The following AQP4 variants were observed in gnomAD, a reference collection of about 807,000 sequenced individuals.
AQP4 encodes the protein aquaporin-4.
AQP4 carries 18 observed loss-of-function variants against 27.8 expected under a neutral mutation model. The ratio of observed to expected loss-of-function variants is 0.65; its 90% CI spans 0.45 to 0.96. AQP4 has a LOEUF of 0.96. Ranked by LOEUF, AQP4 falls within the 40% of genes least tolerant of loss-of-function variation. AQP4 has a pLI of 0.00. For synonymous variants in AQP4, 141 were observed against 142.9 expected, an observed-to-expected ratio of 0.99 and a Z score of 0.10; for missense variants, 412 against 408.2, an observed-to-expected ratio of 1.01 and a Z score of -0.08.
Position 26,862,177 on chromosome 18 carries a change from G to T in AQP4, c.447+5C>A, listed in dbSNP as rs1303273220. 6 of 1,613,942 alleles carry T rather than the reference G, an allele frequency of 3.7e-6. No homozygotes were observed. The African/African-American group carries it at 8.0e-5, about 22-fold the overall frequency. The stretch of plus-strand genomic sequence containing the variant: ...TCCTAGTTTGAAAATAGCTAAAGAT[G>T]CTACCATGGTGACTCCCAGGCCTCC... On this transcript the variant is annotated splice_donor_5th_base_variant and intron_variant, in intron 2 of 4. Transcript: ENST00000383168.
Position 26,860,760 on chromosome 18 carries a change from T to C in AQP4, c.693+12A>G, listed in dbSNP as rs2054926381. ...ACTGTAGGAAGATGGGAACTATCAA[T>C]ATGAGGGTTACCCAATGGTTTTCCC... On this transcript the variant is annotated intron_variant, in intron 4 of 4. Transcript: ENST00000383168. 6.2e-7 allele frequency: 1 copy of C among 1,607,916 alleles called. No individual in the cohort carries two copies. Among genetic ancestry groups the C allele is most frequent in the East Asian group, 2.2e-5 (1 of 44,842 alleles).
intron 4 of AQP4, among the ~76,000 whole-genome samples, chr18:26,860,169 C>A (rs114622499): frequency 0.023 from 3,567 of 152,242 alleles, 136 homozygotes; most frequent in African/African-American, 0.082. Context: ...TGAGCCTTTT[C>A]TGTGAGTCAT....
rs968232069 is a variant in AQP4, at chr18:26,854,170, A to G, written c.*2041T>C. ...GAAGTGAGTGTAAAAGTGAGTGTATATGAAATAAACCATATGGCAGAATAA... is the reference window on the plus strand; with the variant it reads ...GAAGTGAGTGTAAAAGTGAGTGTATGTGAAATAAACCATATGGCAGAATAA... On this transcript the variant is annotated 3_prime_UTR_variant, in exon 5 of 5. Coordinates refer to ENST00000383168, the MANE Select transcript of AQP4 (RefSeq NM_001650.7). 3.3e-5 allele frequency: 5 copies of G among 152,236 alleles called. 1 individual carries two copies. Among genetic ancestry groups the G allele is most frequent in the Admixed American group, 2.6e-4 (4 of 15,288 alleles). 9.4% of individuals were successfully genotyped at this position (152,236 alleles called of 1,614,324 possible).
chr18:26,853,113 T>A lies in AQP4; in HGVS notation c.*3098A>T. On this transcript the variant is annotated 3_prime_UTR_variant, in exon 5 of 5. Coordinates refer to ENST00000383168, the MANE Select transcript of AQP4 (RefSeq NM_001650.7). Reference sequence around the variant, plus strand: ...TCATATAGCTCAATTTCATCACATATGTTTTCCAAAGATTTCTAATCTCCT... The same window carrying A: ...TCATATAGCTCAATTTCATCACATAAGTTTTCCAAAGATTTCTAATCTCCT... The A allele has an allele frequency of 2.6e-6, 1 of 386,114 alleles. No individual in the cohort carries two copies. The highest frequency in any genetic ancestry group is 4.6e-6 in the Non-Finnish European group (1 of 218,596). The allele number at this position is 386,114 out of a possible 1,614,324, so 23.9% of individuals were successfully genotyped here.
In AQP4 at chr18:26,854,201, A is replaced by G. The variant is rs1377178656; in HGVS notation, c.*2010T>C. The stretch of plus-strand genomic sequence containing the variant: ...TAAACCATATGGCAGAATAAAAATG[A>G]TTATAAGCCAGTATATTGTAAGTGT... On this transcript the variant is annotated 3_prime_UTR_variant, in exon 5 of 5. Transcript: ENST00000383168. 6.6e-6 allele frequency: 1 copy of G among 152,228 alleles called. No homozygotes were observed. The highest frequency in any genetic ancestry group is 1.5e-5 in the Non-Finnish European group (1 of 68,036). The allele number at this position is 152,228 out of a possible 1,614,324, so 9.4% of individuals were successfully genotyped here.
chr18:26,860,024 A>G lies in AQP4; in HGVS notation c.693+748T>C, dbSNP rs978906007. On this transcript the variant is annotated intron_variant, in intron 4 of 4. Coordinates refer to ENST00000383168, the MANE Select transcript of AQP4 (RefSeq NM_001650.7). ...TACTTATTTAATTTTAAAGGATTTA[A>G]ATTCCTTTGCTGTGAGAAACAACTG... Among the ~76,000 whole-genome samples the G allele has an allele frequency of 9.8e-5, 15 of 152,332 alleles. No homozygotes were observed. In the East Asian group the frequency reaches 1.7e-3, roughly 18 times the overall value.
chr18:26,858,272 C>CA (rs560672862), intron 4 of AQP4, among the ~76,000 whole-genome samples: 59 of 150,722 alleles, frequency 3.9e-4, no homozygotes, highest in Non-Finnish European at 6.2e-4. Context: ...GACCCTGTCT[C>CA]AAAAAAAAGA....
intron 2 of AQP4, 149 bp from the exon 3 acceptor site, chr18:26,861,444 A>G (rs1263361967): frequency 4.0e-6 from 3 of 754,904 alleles, no homozygotes; most frequent in Non-Finnish European, 6.6e-6. Context: ...TCCTTCTCTC[A>G]CCCCCCAAAA....
At chr18:26,861,613 G>A (rs1196249567) in intron 2 of AQP4, among the ~76,000 whole-genome samples, 1 of 152,098 alleles carries the variant, frequency 6.6e-6, no homozygotes, top group Non-Finnish European at 1.5e-5. Context: ...TGAGAGCCTT[G>A]TGATTTTATA....
At position 26,862,271 on chromosome 18, in the gene AQP4, C is replaced by T. The variant is rs140271115; in HGVS notation, c.358G>A (p.Ala120Thr). 9.3e-5 allele frequency: 150 copies of T among 1,614,144 alleles called. 2 individuals are homozygous for T. In the South Asian group the frequency reaches 1.2e-3, roughly 13 times the overall value. The change falls in exon 2 of 5, where the codon GCA becomes ACA. Residue 120 changes from alanine to threonine, a missense_variant. Coordinates refer to ENST00000383168, the MANE Select transcript of AQP4 (RefSeq NM_001650.7). Reference protein sequence around the residue: ...ISIAKSVFYIAAQCLGAIIGA... With the variant: ...ISIAKSVFYITAQCLGAIIGA... ...ATGATGGCCCCCAGGCACTGGGCTG[C>T]GATGTAGAAGACAGACTTGGCGATG...
intron 4 of AQP4, among the ~76,000 whole-genome samples, chr18:26,860,478 C>T (rs1000387935): frequency 2.0e-5 from 3 of 152,124 alleles, no homozygotes; most frequent in Non-Finnish European, 4.4e-5. Context: ...CCTCTATATA[C>T]AGTGTATTCT....
intron 1 of AQP4, chr18:26,862,994 C>A: frequency 4.1e-5 from 2 of 48,980 alleles, no homozygotes; most frequent in Admixed American, 2.8e-4. Flanking sequence ...ACAAGGTGTG[C>A]GTGGGGGGGG....
chr18:26,864,131 G>T (rs948598701), intron 1 of AQP4, among the ~76,000 whole-genome samples: 1 of 152,196 alleles, frequency 6.6e-6, no homozygotes, highest in Non-Finnish European at 1.5e-5. Context: ...CCACGTAAGG[G>T]GTTAGGCAAG....
chr18:26,853,142 A>G lies in AQP4; in HGVS notation c.*3069T>C, dbSNP rs1422974501. 2.8e-6 allele frequency: 1 copy of G among 362,720 alleles called. No homozygotes were observed. The highest frequency in any genetic ancestry group is 4.9e-6 in the Non-Finnish European group (1 of 203,892). 22.5% of individuals were successfully genotyped at this position (362,720 alleles called of 1,614,324 possible). On this transcript the variant is annotated 3_prime_UTR_variant, in exon 5 of 5. Coordinates refer to ENST00000383168, the MANE Select transcript of AQP4 (RefSeq NM_001650.7). ...TTCCAAAGATTTCTAATCTCCTTGT[A>G]AAGTCTTCAATACTGAGCAGCAGCT... is the stretch of plus-strand genomic sequence containing the variant.
At chr18:26,862,783 C>G (rs1228958421) in intron 1 of AQP4, 187 bp from the exon 2 acceptor site, 2 of 706,432 alleles carry the variant, frequency 2.8e-6, no homozygotes, top group East Asian at 2.7e-5. Flanking sequence ...ATTCTAGTCT[C>G]CTTTCATTTA....
rs918833836 is a variant in AQP4 at position 26,853,187 on chromosome 18, T to C, written c.*3024A>G. 2 of 308,812 alleles carry C rather than the reference T, an allele frequency of 6.5e-6. No individual in the cohort carries two copies. The highest frequency in any genetic ancestry group is 4.3e-5 in the African/African-American group (2 of 46,874). The allele number at this position is 308,812 out of a possible 1,614,324, so 19.1% of individuals were successfully genotyped here. A position where few individuals can be genotyped will look rare whatever the true frequency, so the allele number is the denominator to read the frequency against. On this transcript the variant is annotated 3_prime_UTR_variant, in exon 5 of 5. Transcript: ENST00000383168. ...GCAGCTCTAGCTAGCACCTATGAGC[T>C]GCATTAGGAAAAGGCTCAGATAATA...
In AQP4 at chr18:26,865,690, G is replaced by T. The variant is rs997820881; in HGVS notation, c.-1C>A. On this transcript the variant is annotated 5_prime_UTR_variant, in exon 1 of 5. Coordinates refer to ENST00000383168, the MANE Select transcript of AQP4 (RefSeq NM_001650.7). ...GCCTTGCTGTGGGTCTGTCACTCAT[G>T]CCTTCCCCAGCCAGAGTGCAGCTCT... The T allele has an allele frequency of 5.6e-6, 9 of 1,614,078 alleles. No homozygotes were observed. The highest frequency in any genetic ancestry group is 7.6e-6 in the Non-Finnish European group (9 of 1,180,050).
In AQP4 at chr18:26,862,277, A is replaced by G. The variant is rs768052232; in HGVS notation, c.352T>C (p.Tyr118His). 3 of 1,614,200 alleles carry G rather than the reference A, an allele frequency of 1.9e-6. No homozygotes were observed. In the East Asian group the frequency reaches 6.7e-5, roughly 36 times the overall value. Reference sequence around the variant, plus strand: ...GCCCCCAGGCACTGGGCTGCGATGTAGAAGACAGACTTGGCGATGCTGATC... The same window carrying G: ...GCCCCCAGGCACTGGGCTGCGATGTGGAAGACAGACTTGGCGATGCTGATC... The part of the protein sequence containing the change: ...RKISIAKSVF[Y>H]IAAQCLGAII... The change falls in exon 2 of 5, where the codon TAC becomes CAC. Residue 118 changes from tyrosine to histidine, a missense_variant. Coordinates refer to ENST00000383168, the MANE Select transcript of AQP4 (RefSeq NM_001650.7).
rs1384097895 is a variant in AQP4 at position 26,862,342 on chromosome 18, A to T, written c.287T>A (p.Ile96Asn). The change falls in exon 2 of 5, where the codon ATC becomes AAC. Residue 96 changes from isoleucine to asparagine, a missense_variant. Physicochemically the swap from Ile to Asn is moderately radical, Grantham distance 149 (BLOSUM62 -3). Coordinates refer to ENST00000383168, the MANE Select transcript of AQP4 (RefSeq NM_001650.7). The part of the protein sequence containing the change: ...QCFGHISGGH[I>N]NPAVTVAMVC... ...CATGGCCACAGTCACTGCAGGGTTGATGTGGCCACCGCTGATATGGCCAAA... is the reference window on the plus strand; with the variant it reads ...CATGGCCACAGTCACTGCAGGGTTGTTGTGGCCACCGCTGATATGGCCAAA... 1 of 1,614,206 alleles carries T rather than the reference A, an allele frequency of 6.2e-7. No homozygotes were observed. The highest frequency in any genetic ancestry group is 8.5e-7 in the Non-Finnish European group (1 of 1,180,038).
Sources: allele counts gnomAD v4.1 joint callset (sites outside exome capture counted in the v4.1 genomes callset), GRCh38; gene constraint gnomAD v4.1.1; transcripts MANE v1.5; gene names NCBI Gene and HGNC (gene_info 2026-07-23, HGNC 2026-07-21).